ASPG: variants seen among roughly 807,000 people sequenced by gnomAD.
ASPG encodes asparaginase, also known as 60 kDa lysophospholipase.
In ASPG, 53 loss-of-function variants were observed where a neutral mutation model predicts 63.2. That is an observed-to-expected ratio of 0.84 (90% CI 0.67 to 1.05). The LOEUF (loss-of-function observed/expected upper bound fraction) is 1.05, where lower values mean the gene tolerates loss of function less well. Ranked by LOEUF, ASPG falls within the 50% of genes least tolerant of loss-of-function variation. The probability of loss-of-function intolerance (pLI) is 0.00; values close to 1 mark genes in which losing one functional copy is unlikely to be tolerated. For synonymous variants in ASPG, 370 were observed against 355.0 expected, an observed-to-expected ratio of 1.04 and a Z score of -0.48; for missense variants, 741 against 794.4, an observed-to-expected ratio of 0.93 and a Z score of 0.81.
rs548440364 is a variant in ASPG at position 104,096,124 on chromosome 14, G to A, written c.429+468G>A. On this transcript the variant is annotated intron_variant, in intron 4 of 15. Coordinates refer to ENST00000551177, the MANE Select transcript of ASPG (RefSeq NM_001080464.3). ...TGCCATCCTGGGGGCCCTGGCACAC[G>A]ATTTCCCTGCCTCTCTCACCCTAAC... Among the ~76,000 whole-genome samples the A allele has an allele frequency of 5.9e-5, 9 of 152,330 alleles. No homozygotes were observed. In the South Asian group the frequency reaches 1.0e-3, roughly 18 times the overall value.
rs541537923 is a variant in ASPG at position 104,089,894 on chromosome 14, G to A, written c.83-2739G>A. Among the ~76,000 whole-genome samples the A allele has an allele frequency of 4.0e-5, 5 of 126,416 alleles. No individual in the cohort carries two copies. The South Asian group carries it at 1.4e-3, about 35-fold the overall frequency. 82.9% of individuals were successfully genotyped at this position (126,416 alleles called of 152,430 possible). A position where few individuals can be genotyped will look rare whatever the true frequency, so the allele number is the denominator to read the frequency against. On this transcript the variant is annotated intron_variant, in intron 1 of 15. Coordinates refer to ENST00000551177, the MANE Select transcript of ASPG (RefSeq NM_001080464.3). Reference sequence around the variant, plus strand: ...GCCGGGTGGGTGGAGGTTGCAGTGAGTCGAGATGGCATCACTGTACTCCAG... The same window carrying A: ...GCCGGGTGGGTGGAGGTTGCAGTGAATCGAGATGGCATCACTGTACTCCAG...
chr14:104,100,099 A>G (rs964489568), intron 6 of ASPG, among the ~76,000 whole-genome samples: 3 of 152,214 alleles, frequency 2.0e-5, no homozygotes, highest in African/African-American at 7.2e-5. Context: ...CCACTCCCCC[A>G]TTTTAAGGAG....
chr14:104,091,467 T>C lies in ASPG; in HGVS notation c.83-1166T>C, dbSNP rs2036364744. Among the ~76,000 whole-genome samples, 1 of 152,120 alleles carries C rather than the reference T, an allele frequency of 6.6e-6. No individual in the cohort carries two copies. Among genetic ancestry groups the C allele is most frequent in the Admixed American group, 6.5e-5 (1 of 15,270 alleles). ...GCGGCTGCACCTCAGCCGGCCTGCA[T>C]CTTCCAGTCCTCTGGCAAACGTCCC... On this transcript the variant is annotated intron_variant, in intron 1 of 15. Transcript: ENST00000551177. This position sits in a 1 kb window ranked among gnomAD's most constrained non-coding sequence, Gnocchi z 6.4.
intron 6 of ASPG, among the ~76,000 whole-genome samples, 185 bp downstream of exon 6, chr14:104,099,164 G>A (rs930019439): frequency 2.0e-5 from 3 of 152,194 alleles, no homozygotes; most frequent in Non-Finnish European, 4.4e-5. Flanking sequence ...GGGCTGCTGC[G>A]TGGCCACAGA....
At chr14:104,104,539 G>C (rs1307644548) in intron 8 of ASPG, 53 bp downstream of exon 8, 1 of 1,593,478 alleles carries the variant, frequency 6.3e-7, no homozygotes, top group Admixed American at 1.7e-5. Context: ...TGAGGGCCTG[G>C]CAGAGGTGGG....
rs78938734 is a variant in ASPG, at chr14:104,095,549, C to G, written c.322C>G (p.His108Asp). The change falls in exon 4 of 16, where the codon CAC becomes GAC. Residue 108 changes from histidine (H) to aspartate (D), a missense_variant. Transcript: ENST00000551177. ...CCTGCAGAGGCACTACGAGCAGTAC[C>G]ACGGCTTTGTGGTCATCCACGGCAC... ...QTIKRHYEQY[H>D]GFVVIHGTDT... 27 of 1,612,960 alleles carry G rather than the reference C, an allele frequency of 1.7e-5. No individual in the cohort carries two copies. The highest frequency in any genetic ancestry group is 2.7e-5 in the African/African-American group (2 of 74,936).
chr14:104,111,931 C>G lies in ASPG; in HGVS notation c.1632C>G (p.Ala544=). 6.4e-7 allele frequency: 1 copy of G among 1,555,044 alleles called. No homozygotes were observed. The highest frequency in any genetic ancestry group is 8.7e-7 in the Non-Finnish European group (1 of 1,149,002). The stretch of plus-strand genomic sequence containing the variant: ...CTGCTTCCCCATAGGCAGAGGCAGC[C>G]GGGAACCTGGCAGTGGTGGCCTTTC... ...GHSALHVAEA[A]GNLAVVAFLQ... is the part of the protein sequence containing the mutation. The change falls in exon 15 of 16, where the codon GCC becomes GCG. Residue 544 remains alanine (A), a synonymous_variant. Coordinates refer to ENST00000551177, the MANE Select transcript of ASPG (RefSeq NM_001080464.3).
intron 6 of ASPG, among the ~76,000 whole-genome samples, chr14:104,101,262 A>T (rs933870244): frequency 6.6e-6 from 1 of 151,674 alleles, no homozygotes; most frequent in Non-Finnish European, 1.5e-5. Context: ...GCCCCTGGGG[A>T]GGGGCACAGG....
At chr14:104,095,755 G>A (rs2036570566) in intron 4 of ASPG, 99 bp downstream of exon 4, 8 of 1,489,454 alleles carry the variant, frequency 5.4e-6, no homozygotes, top group African/African-American at 1.4e-5. Flanking sequence ...CGGGCTTCCT[G>A]CTCAGCCCAG....
intron 6 of ASPG, 124 bp downstream of exon 6, chr14:104,099,103 C>T: frequency 7.0e-7 from 1 of 1,432,674 alleles, no homozygotes; most frequent in Non-Finnish European, 9.3e-7. Context: ...TTCTGACTTG[C>T]CCTGGCTTGG....
rs559648732 is a variant in ASPG at position 104,104,354 on chromosome 14, C to T, written c.804C>T (p.Phe268=). 34 of 1,612,600 alleles carry T rather than the reference C, an allele frequency of 2.1e-5. No homozygotes were observed. Among genetic ancestry groups the T allele is most frequent in the Admixed American group, 1.8e-4 (11 of 60,016 alleles). ...TGAAGGGCGTGGTCATGGAGACCTT[C>T]GGTTCAGGGAACGGACCCACCAAGC... ...PPLKGVVMET[F]GSGNGPTKPD... is the part of the protein sequence containing the mutation. The change falls in exon 8 of 16, where the codon TTC becomes TTT. Residue 268 remains phenylalanine, a synonymous_variant. Transcript: ENST00000551177.
At chr14:104,104,564 T>C in intron 8 of ASPG, 58 bp from the exon 9 acceptor site, 2 of 1,586,474 alleles carry the variant, frequency 1.3e-6, no homozygotes, top group South Asian at 2.3e-5. Flanking sequence ...GACCCACCCC[T>C]CATGGGCTGG....
rs1342032842 is a variant in ASPG, at chr14:104,111,609, C to A, written c.1620+8C>A. 2 of 1,548,150 alleles carry A rather than the reference C, an allele frequency of 1.3e-6. No individual in the cohort carries two copies. The highest frequency in any genetic ancestry group is 8.7e-7 in the Non-Finnish European group (1 of 1,145,462). On this transcript the variant is annotated splice_region_variant and intron_variant, in intron 14 of 15. Transcript: ENST00000551177. ...CACAGCGCCCTGCACGTCGTGAGTG[C>A]CCCCACCCCCTGCACCCTCTCCAAA...
At chr14:104,108,824 G>A (rs1229619703) in intron 12 of ASPG, 4 of 985,332 alleles carry the variant, frequency 4.1e-6, no homozygotes, top group Non-Finnish European at 4.8e-6. Context: ...TGGGTGTGCA[G>A]TGGGGCCGGT....
intron 1 of ASPG, among the ~76,000 whole-genome samples, chr14:104,087,860 C>T (rs1238498854): frequency 6.6e-6 from 1 of 152,210 alleles, no homozygotes; most frequent in Non-Finnish European, 1.5e-5. Context: ...CTGAAAGAGG[C>T]TGTGAGGTCC....
At position 104,110,521 on chromosome 14, in the gene ASPG, G is replaced by A. The variant is rs921322729; in HGVS notation, c.1521-981G>A. ...TGCTTGGAAGTGGCCTGGCCAGCCTGAGCTGCTGGCTGGACTTGAGCCCCT... is the reference window on the plus strand; with the variant it reads ...TGCTTGGAAGTGGCCTGGCCAGCCTAAGCTGCTGGCTGGACTTGAGCCCCT... On this transcript the variant is annotated intron_variant, in intron 13 of 15. Transcript: ENST00000551177. This position sits in a 1 kb window ranked among gnomAD's most constrained non-coding sequence, Gnocchi z 4.7. The A allele has an allele frequency of 1.9e-5, 19 of 985,246 alleles. No homozygotes were observed. The Admixed American group carries it at 1.0e-3, about 54-fold the overall frequency. The allele number at this position is 985,246 out of a possible 1,614,324, so 61.0% of individuals were successfully genotyped here. A position where few individuals can be genotyped will look rare whatever the true frequency, so the allele number is the denominator to read the frequency against.
Position 104,104,296 on chromosome 14 carries a change from C to T in ASPG, c.754-8C>T. On this transcript the variant is annotated splice_polypyrimidine_tract_variant and splice_region_variant and intron_variant, in intron 7 of 15. Coordinates refer to ENST00000551177, the MANE Select transcript of ASPG (RefSeq NM_001080464.3). ...TCACCATCCAGCCCCCACCCCACCG[C>T]CCCACAGGTTCGGGCCTTCTTGCAG... The T allele has an allele frequency of 1.2e-6, 2 of 1,608,556 alleles. No individual in the cohort carries two copies. Among genetic ancestry groups the T allele is most frequent in the South Asian group, 2.2e-5 (2 of 90,694 alleles).
intron 11 of ASPG, 73 bp from the exon 12 acceptor site, chr14:104,107,109 C>G (rs1471471547): frequency 2.1e-5 from 31 of 1,504,554 alleles, no homozygotes; most frequent in Non-Finnish European, 2.7e-5. Flanking sequence ...TCAGAGGGAC[C>G]CCACCCTCCC....
chr14:104,106,580 T>C (rs910988274), intron 10 of ASPG, among the ~76,000 whole-genome samples: 3 of 151,920 alleles, frequency 2.0e-5, no homozygotes, highest in Non-Finnish European at 4.4e-5. Flanking sequence ...TGGCCTTAGC[T>C]CCAGGGGAAG....
Sources: allele counts gnomAD v4.1 joint callset (sites outside exome capture counted in the v4.1 genomes callset), GRCh38; gene constraint gnomAD v4.1.1; non-coding constraint Gnocchi (gnomAD v3.1); transcripts MANE v1.5; gene names NCBI Gene and HGNC (gene_info 2026-07-23, HGNC 2026-07-21).